ALX4: variants seen among roughly 807,000 people sequenced by gnomAD.
ALX4 encodes ALX homeobox 4.
ALX4 carries 22 observed loss-of-function variants against 40.6 expected under a neutral mutation model. The observed-to-expected ratio is 0.54, with a 90% confidence interval of 0.39 to 0.77. The LOEUF (loss-of-function observed/expected upper bound fraction) is 0.77. Ranked by LOEUF, ALX4 falls within the 30% of genes least tolerant of loss-of-function variation. The pLI is 0.00. For synonymous variants in ALX4, 266 were observed against 240.5 expected, an observed-to-expected ratio of 1.11 and a Z score of -0.98; for missense variants, 556 against 564.8, an observed-to-expected ratio of 0.98 and a Z score of 0.16.
chr11:44,290,959 T>C (rs1956365242), intron 1 of ALX4, among the ~76,000 whole-genome samples: 1 of 152,338 alleles, frequency 6.6e-6, no homozygotes, highest in Admixed American at 6.5e-5. Flanking sequence ...AATTTGGCCG[T>C]GGCAGCTGAC....
intron 1 of ALX4, among the ~76,000 whole-genome samples, chr11:44,296,503 T>C (rs914464767): frequency 1.6e-4 from 24 of 152,170 alleles, no homozygotes; most frequent in Admixed American, 1.3e-4. Context: ...AAGGACAGTA[T>C]CCAGGGAGTG....
intron 1 of ALX4, among the ~76,000 whole-genome samples, chr11:44,306,899 A>G (rs1956471889): frequency 6.6e-6 from 1 of 152,188 alleles, no homozygotes; most frequent in South Asian, 2.1e-4. Context: ...TAGAAGGACC[A>G]GACATCTCCT....
intron 2 of ALX4, among the ~76,000 whole-genome samples, chr11:44,269,165 C>T (rs773356591): frequency 1.3e-5 from 2 of 152,208 alleles, no homozygotes; most frequent in African/African-American, 2.4e-5. Context: ...TCCTCACAGA[C>T]GCTGCCTGGC....
intron 1 of ALX4, among the ~76,000 whole-genome samples, chr11:44,293,480 CAGCGAACGTG>C (rs1265421411): frequency 6.6e-6 from 1 of 152,202 alleles, no homozygotes; most frequent in African/African-American, 2.4e-5. Context: ...CCTTAATCCA[CAGCGAACGTG>C]AGACAAATAC....
intron 2 of ALX4, among the ~76,000 whole-genome samples, chr11:44,273,486 T>C (rs1956260666): frequency 1.3e-5 from 2 of 152,172 alleles, no homozygotes; most frequent in South Asian, 4.1e-4. Context: ...TGGACAAGGG[T>C]TGATTGATCC....
chr11:44,276,772 A>G (rs1956280515), intron 1 of ALX4, among the ~76,000 whole-genome samples: 1 of 152,144 alleles, frequency 6.6e-6, no homozygotes, highest in East Asian at 1.9e-4. Context: ...CAGGCATCAG[A>G]TTCTCTTAAG....
intron 2 of ALX4, among the ~76,000 whole-genome samples, chr11:44,274,930 A>G (rs563528769): frequency 3.3e-5 from 5 of 152,196 alleles, no homozygotes; most frequent in African/African-American, 4.8e-5. Context: ...GTTTCTGCCC[A>G]CTGGGATGCT....
chr11:44,310,088 G>A lies in ALX4; in HGVS notation c.-26C>T, dbSNP rs1456963165. On this transcript the variant is annotated 5_prime_UTR_variant, in exon 1 of 4. Transcript: ENST00000652299. ...GCCTGGCTTGCGCAGGCGGCGGGCG[G>A]GGACGCGAGCGAGGGCGCGAGGACG... 1 of 1,560,750 alleles carries A rather than the reference G, an allele frequency of 6.4e-7. No homozygotes were observed.
At position 44,264,742 on chromosome 11, in the gene ALX4, C is replaced by A. The variant is rs1032841800; in HGVS notation, c.*112G>T. The A allele has an allele frequency of 7.9e-7, 1 of 1,262,192 alleles. No individual in the cohort carries two copies. Among genetic ancestry groups the A allele is most frequent in the Non-Finnish European group, 1.1e-6 (1 of 909,864 alleles). The allele number at this position is 1,262,192 out of a possible 1,614,324, so 78.2% of individuals were successfully genotyped here. A position where few individuals can be genotyped will look rare whatever the true frequency, so the allele number is the denominator to read the frequency against. ...CGGCTGAAAGTGCTGAGGGTCAGGC[C>A]CCTGGCCCAGGCCAGGTTCCTAAGA... On this transcript the variant is annotated 3_prime_UTR_variant, in exon 4 of 4. Coordinates refer to ENST00000652299, the MANE Select transcript of ALX4 (RefSeq NM_021926.4).
chr11:44,303,282 C>T (rs1372504959), intron 1 of ALX4, among the ~76,000 whole-genome samples: 1 of 152,216 alleles, frequency 6.6e-6, no homozygotes, highest in Non-Finnish European at 1.5e-5. Flanking sequence ...CTTTAAGAAT[C>T]CGATGAAGCA....
At chr11:44,272,751 G>A (rs995784006) in intron 2 of ALX4, among the ~76,000 whole-genome samples, 4 of 152,098 alleles carry the variant, frequency 2.6e-5, no homozygotes, top group Non-Finnish European at 4.4e-5. Context: ...GGAGGCCGCA[G>A]TGAGCCAAGA....
rs1956497098 is a variant in ALX4, at chr11:44,309,892, G to T, written c.171C>A (p.Phe57Leu). 2.5e-6 allele frequency: 4 copies of T among 1,582,102 alleles called. No individual in the cohort carries two copies. Among genetic ancestry groups the T allele is most frequent in the Non-Finnish European group, 3.4e-6 (4 of 1,163,548 alleles). The change falls in exon 1 of 4, where the codon TTC (phenylalanine) becomes TTA (leucine). Residue 57 changes from phenylalanine to leucine, a missense_variant. Transcript: ENST00000652299. The part of the protein sequence containing the change: ...FLSAAAKAQG[F>L]GDAKSRARYG... Reference sequence around the variant, plus strand: ...AACGGGCCCGGCTCTTGGCGTCCCCGAATCCCTGTGCTTTGGCGGCGGCCG... The same window carrying T: ...AACGGGCCCGGCTCTTGGCGTCCCCTAATCCCTGTGCTTTGGCGGCGGCCG...
At chr11:44,291,367 G>A (rs1293492487) in intron 1 of ALX4, among the ~76,000 whole-genome samples, 3 of 152,016 alleles carry the variant, frequency 2.0e-5, no homozygotes, top group African/African-American at 7.2e-5. Flanking sequence ...ACCCAAGTAC[G>A]TGCTGAATTG....
chr11:44,286,783 G>A (rs1956341117), intron 1 of ALX4, among the ~76,000 whole-genome samples: 1 of 152,072 alleles, frequency 6.6e-6, no homozygotes, highest in South Asian at 2.1e-4. Context: ...TTCCCACACT[G>A]TGGCCCCAGC....
intron 2 of ALX4, among the ~76,000 whole-genome samples, chr11:44,271,305 C>G (rs1185806066): frequency 6.6e-6 from 1 of 152,214 alleles, no homozygotes; most frequent in Admixed American, 6.5e-5. Context: ...CAAAGAAGCA[C>G]TAGGCTGCGA....
At chr11:44,295,843 C>T (rs1293320432) in intron 1 of ALX4, among the ~76,000 whole-genome samples, 1 of 152,214 alleles carries the variant, frequency 6.6e-6, no homozygotes, top group East Asian at 1.9e-4. Context: ...GCCACGTCCT[C>T]ATGGGATGGT....
chr11:44,277,769 G>A (rs965862179), intron 1 of ALX4, among the ~76,000 whole-genome samples: 2 of 152,300 alleles, frequency 1.3e-5, no homozygotes, highest in South Asian at 4.2e-4. Flanking sequence ...AGAGGTGAGT[G>A]CCCAGAGTAG....
rs980674490 is a variant in ALX4 at position 44,265,098 on chromosome 11, C to T, written c.992G>A (p.Cys331Tyr). Reference sequence around the variant, plus strand: ...AGGGGGGTGGGCATGAGGGGACATGCAGGCAGGCACCGGGTCGCAGGGGAC... The same window carrying T: ...AGGGGGGTGGGCATGAGGGGACATGTAGGCAGGCACCGGGTCGCAGGGGAC... ...CVVPCDPVPA[C>Y]MSPHAHPPGS... The change falls in exon 4 of 4, where the codon TGC (cysteine) becomes TAC (tyrosine). Residue 331 changes from cysteine to tyrosine, a missense_variant. Physicochemically the swap from Cys to Tyr is radical, Grantham distance 194. Coordinates refer to ENST00000652299, the MANE Select transcript of ALX4 (RefSeq NM_021926.4). 11 of 1,612,480 alleles carry T rather than the reference C, an allele frequency of 6.8e-6. No individual in the cohort carries two copies. In the Admixed American group the frequency reaches 1.5e-4, roughly 22 times the overall value.
chr11:44,309,568 A>G (rs1956492991), intron 1 of ALX4, 29 bp downstream of exon 1: 3 of 1,556,884 alleles, frequency 1.9e-6, no homozygotes, highest in African/African-American at 2.7e-5. Context: ...CGTGGTCCCC[A>G]GCACCAGGTG....
Sources: allele counts gnomAD v4.1 joint callset (sites outside exome capture counted in the v4.1 genomes callset), GRCh38; gene constraint gnomAD v4.1.1; transcripts MANE v1.5; gene names NCBI Gene and HGNC (gene_info 2026-07-23, HGNC 2026-07-21).